ROBO1: variants seen among roughly 807,000 people sequenced by gnomAD.
ROBO1 encodes the protein roundabout guidance receptor 1, also known as roundabout homolog 1.
ROBO1 carries 149 observed loss-of-function variants against 195.9 expected under a neutral mutation model. That is an observed-to-expected ratio of 0.76 (90% CI 0.67 to 0.87). The LOEUF (loss-of-function observed/expected upper bound fraction) is 0.87, where lower values mean the gene tolerates loss of function less well. Ranked by LOEUF, ROBO1 falls within the 40% of genes least tolerant of loss-of-function variation. The pLI is 0.00. For missense variants in ROBO1, 1,933 were observed against 2,068.3 expected (o/e 0.93, Z 1.27); for synonymous variants, 816 against 733.2 (o/e 1.11, Z -1.82).
chr3:79,527,421 C>G (rs1321393647), intron 2 of ROBO1, among the ~76,000 whole-genome samples: 2 of 151,904 alleles, frequency 1.3e-5, no homozygotes, highest in East Asian at 3.8e-4. Flanking sequence ...TTTAAAAATC[C>G]TGCACATGTA....
At position 78,598,392 on chromosome 3, in the gene ROBO1, A is replaced by G. The variant is rs1384224603; in HGVS notation, c.*521T>C. ...ATTTGCTATATTTTTAGTTTCTTCC[A>G]GCAAAGGGTAGTATGAAAAACTGAT... is the stretch of plus-strand genomic sequence containing the variant. On this transcript the variant is annotated 3_prime_UTR_variant, in exon 31 of 31. Transcript: ENST00000464233. 2 of 152,628 alleles carry G rather than the reference A, an allele frequency of 1.3e-5. No homozygotes were observed. The highest frequency in any genetic ancestry group is 2.9e-5 in the Non-Finnish European group (2 of 68,046). 9.5% of individuals were successfully genotyped at this position (152,628 alleles called of 1,614,324 possible). A position where few individuals can be genotyped will look rare whatever the true frequency, so the allele number is the denominator to read the frequency against.
intron 2 of ROBO1, among the ~76,000 whole-genome samples, chr3:79,555,472 GAAGA>G (rs749145792): frequency 2.6e-5 from 4 of 152,076 alleles, no homozygotes; most frequent in African/African-American, 4.8e-5. Context: ...AAAACATAGA[GAAGA>G]AAGAGAAGGG....
intron 1 of ROBO1, among the ~76,000 whole-genome samples, chr3:79,602,452 A>G (rs1434581048): frequency 6.6e-6 from 1 of 151,992 alleles, no homozygotes; most frequent in Non-Finnish European, 1.5e-5. Flanking sequence ...GAATGTCCTC[A>G]GCAGGACCAG....
intron 3 of ROBO1, among the ~76,000 whole-genome samples, chr3:79,002,664 G>T (rs977645918): frequency 1.3e-5 from 2 of 152,016 alleles, no homozygotes; most frequent in Non-Finnish European, 2.9e-5. Context: ...AATTTCCCAG[G>T]CTTATGTCAA....
chr3:79,545,001 T>C (rs528944470), intron 2 of ROBO1, among the ~76,000 whole-genome samples: 1 of 152,262 alleles, frequency 6.6e-6, no homozygotes, highest in Non-Finnish European at 1.5e-5. Context: ...ACCTCTAAAA[T>C]GCTATTTGAT....
intron 2 of ROBO1, among the ~76,000 whole-genome samples, chr3:79,518,566 T>C (rs1378710464): frequency 1.3e-5 from 2 of 152,092 alleles, no homozygotes; most frequent in Admixed American, 6.6e-5. Flanking sequence ...CCTAGGAGGA[T>C]TGCTTTTCAG....
chr3:78,933,561 C>G (rs1459682322), intron 4 of ROBO1, among the ~76,000 whole-genome samples: 3 of 151,958 alleles, frequency 2.0e-5, no homozygotes, highest in Admixed American at 6.6e-5. Flanking sequence ...TTACTGACAT[C>G]ATTGAGATGT....
At chr3:79,395,805 G>C (rs529564018) in intron 2 of ROBO1, among the ~76,000 whole-genome samples, 1 of 151,834 alleles carries the variant, frequency 6.6e-6, no homozygotes, top group Non-Finnish European at 1.5e-5. Context: ...TTAGTGTTAC[G>C]TTCTAATTTA....
In ROBO1 at chr3:79,061,917, T is replaced by C. The variant is rs1219188680; in HGVS notation, c.172+63539A>G. On this transcript the variant is annotated intron_variant, in intron 3 of 30. Transcript: ENST00000464233. ...AAACCCTAGAAGAAAACTTAGGCAA[T>C]ACCATTCAGGACATAGGCATGGACA... 1.3e-5 allele frequency among the ~76,000 whole-genome samples: 2 copies of C among 152,096 alleles called. 1 individual carries two copies. Among genetic ancestry groups the C allele is most frequent in the Non-Finnish European group, 2.9e-5 (2 of 68,036 alleles).
chr3:78,739,504 C>A (rs1305609022), intron 5 of ROBO1, among the ~76,000 whole-genome samples: 1 of 152,090 alleles, frequency 6.6e-6, no homozygotes, highest in Non-Finnish European at 1.5e-5. Context: ...TTTATAATAT[C>A]CTTTTCAACA....
chr3:79,223,053 T>A (rs531921302), intron 2 of ROBO1, among the ~76,000 whole-genome samples: 1 of 152,310 alleles, frequency 6.6e-6, no homozygotes, highest in African/African-American at 2.4e-5. Flanking sequence ...CGGTAGGTAC[T>A]AATTGGAAGA....
intron 2 of ROBO1, among the ~76,000 whole-genome samples, chr3:79,194,560 T>A (rs1367828339): frequency 6.6e-6 from 1 of 151,688 alleles, no homozygotes; most frequent in Admixed American, 6.6e-5. Context: ...AGTTGTTAAA[T>A]TTGGTGAATT....
intron 1 of ROBO1, among the ~76,000 whole-genome samples, chr3:79,715,501 T>A (rs1277351870): frequency 6.6e-6 from 1 of 152,098 alleles, no homozygotes. Context: ...TAAATTAACA[T>A]ATGTACTTTT....
intron 2 of ROBO1, among the ~76,000 whole-genome samples, chr3:79,365,588 C>A (rs1423941350): frequency 6.6e-6 from 1 of 152,100 alleles, no homozygotes; most frequent in African/African-American, 2.4e-5. Context: ...TTTTAACTCT[C>A]CGTGTTAAAA....
intron 1 of ROBO1, among the ~76,000 whole-genome samples, chr3:79,753,495 G>T (rs1321547156): frequency 6.6e-6 from 1 of 152,164 alleles, no homozygotes; most frequent in African/African-American, 2.4e-5. Flanking sequence ...TCCACTCAGT[G>T]ATTTGCAAGA....
intron 2 of ROBO1, among the ~76,000 whole-genome samples, chr3:79,320,872 T>G (rs888228611): frequency 6.6e-6 from 1 of 152,186 alleles, no homozygotes; most frequent in African/African-American, 2.4e-5. Context: ...TTATAAAATT[T>G]AAGCTAGACT....
chr3:78,616,730 T>C (rs1447178127), intron 27 of ROBO1, among the ~76,000 whole-genome samples: 1 of 152,148 alleles, frequency 6.6e-6, no homozygotes, highest in Non-Finnish European at 1.5e-5. Context: ...CTATTTAGAT[T>C]TTCTTGGCTA....
At chr3:79,225,384 T>A (rs1298468097) in intron 2 of ROBO1, among the ~76,000 whole-genome samples, 1 of 152,136 alleles carries the variant, frequency 6.6e-6, no homozygotes. Flanking sequence ...TGGAAAATTT[T>A]AAAAAAATAT....
chr3:79,230,603 C>G (rs938186156), intron 2 of ROBO1, among the ~76,000 whole-genome samples: 2 of 151,988 alleles, frequency 1.3e-5, no homozygotes, highest in African/African-American at 4.8e-5. Context: ...TTAACAAAAT[C>G]AAAGATGACA....
Sources: gnomAD v4.1 joint callset for allele counts (sites outside exome capture counted in the v4.1 genomes callset) on GRCh38, gnomAD v4.1.1 for gene constraint, MANE v1.5 for transcripts, NCBI Gene and HGNC (gene_info 2026-07-23, HGNC 2026-07-21) for gene names.